C3orf33: variants seen among roughly 807,000 people sequenced by gnomAD.
C3orf33 encodes the protein AP-1 activity suppressor.
C3orf33 carries 23 observed loss-of-function variants against 28.7 expected under a neutral mutation model. The observed-to-expected ratio is 0.80, with a 90% CI of 0.58 to 1.13. The LOEUF is 1.13. Among genes scored for constraint, C3orf33 ranks in the 50% most tolerant of loss-of-function variants. C3orf33 has a pLI of 0.00. For missense variants in C3orf33, 327 were observed against 353.4 expected (o/e 0.93, Z 0.60); for synonymous variants, 119 against 120.5 (o/e 0.99, Z 0.08).
intron 2 of C3orf33, among the ~76,000 whole-genome samples, chr3:155,800,643 G>GAAAAAAAAAAAAA (rs1751620237): frequency 3.8e-5 from 2 of 53,168 alleles, no homozygotes; most frequent in Non-Finnish European, 4.2e-5. Flanking sequence ...AAAAAAAAAG[G>GAAAAAAAAAAAAA]CAACATACAG....
At chr3:155,766,508 C>T (rs951048973) in intron 4 of C3orf33, among the ~76,000 whole-genome samples, 27 of 152,184 alleles carry the variant, frequency 1.8e-4, no homozygotes, top group African/African-American at 6.5e-4. Flanking sequence ...CTAAGCAAAC[C>T]GTCAGAAAAC....
At position 155,798,588 on chromosome 3, in the gene C3orf33, CCT is replaced by C. The variant is rs538100175; in HGVS notation, c.174+3942_174+3943del. Among the ~76,000 whole-genome samples the C allele has an allele frequency of 4.3e-3, 609 of 142,634 alleles. 5 individuals carry two copies. Among genetic ancestry groups the C allele is most frequent in the African/African-American group, 0.014 (565 of 39,242 alleles). 93.6% of individuals were successfully genotyped at this position (142,634 alleles called of 152,430 possible). Reference sequence around the variant, plus strand: ...CCATACGCAAAAGAATGAAGCTAGACCTCTCTCTCTCATCATATACAAAAATA... The same window carrying C: ...CCATACGCAAAAGAATGAAGCTAGACCTCTCTCTCATCATATACAAAAATA... On this transcript the variant is annotated intron_variant, in intron 2 of 4. Coordinates refer to ENST00000340171, the MANE Select transcript of C3orf33 (RefSeq NM_001308229.2).
At chr3:155,775,907 A>G in intron 2 of C3orf33, 59 bp from the exon 3 acceptor site, 1 of 1,275,172 alleles carries the variant, frequency 7.8e-7, no homozygotes, top group Non-Finnish European at 1.1e-6. Context: ...CTCAAAATTT[A>G]AAATGTCAAA....
At chr3:155,777,595 C>G (rs534965346) in intron 2 of C3orf33, among the ~76,000 whole-genome samples, 65 of 152,042 alleles carry the variant, frequency 4.3e-4, no homozygotes, top group African/African-American at 1.4e-3. Flanking sequence ...CACCACTACA[C>G]CTGGTTAATT....
chr3:155,789,844 C>T (rs1034082677), intron 2 of C3orf33, among the ~76,000 whole-genome samples: 1 of 152,050 alleles, frequency 6.6e-6, no homozygotes, highest in Non-Finnish European at 1.5e-5. Context: ...AACAAGGGTG[C>T]CAACACCACT....
chr3:155,764,817 C>T (rs1256382840), intron 4 of C3orf33, among the ~76,000 whole-genome samples: 1 of 152,108 alleles, frequency 6.6e-6, no homozygotes, highest in East Asian at 1.9e-4. Flanking sequence ...GATCACACCA[C>T]TGCACTCAAG....
intron 1 of C3orf33, chr3:155,805,737 TTAAAAATAAA>T (rs1751790713): frequency 2.2e-6 from 1 of 447,476 alleles, no homozygotes; most frequent in Non-Finnish European, 4.5e-6. Context: ...AAAAATAAAA[TTAAAAATAAA>T]TAAAAATTAG....
chr3:155,805,992 G>A (rs549550832), intron 1 of C3orf33, 147 bp downstream of exon 1: 1 of 536,810 alleles, frequency 1.9e-6, no homozygotes, highest in Non-Finnish European at 3.1e-6. Context: ...CGACACTCGC[G>A]ATGTCGCCCT....
chr3:155,767,696 T>A (rs1750456534), intron 3 of C3orf33, 27 bp from the exon 4 acceptor site: 1 of 1,450,688 alleles, frequency 6.9e-7, no homozygotes. Flanking sequence ...GAAAAGAGTT[T>A]AGCTTTAACA....
intron 3 of C3orf33, among the ~76,000 whole-genome samples, chr3:155,772,699 A>T (rs1261707435): frequency 1.3e-5 from 2 of 151,842 alleles, no homozygotes; most frequent in Admixed American, 1.3e-4. Flanking sequence ...GACAGTAGCA[A>T]TAGCACAGGC....
At chr3:155,792,267 G>C (rs983093490) in intron 2 of C3orf33, among the ~76,000 whole-genome samples, 4 of 152,150 alleles carry the variant, frequency 2.6e-5, no homozygotes, top group African/African-American at 9.7e-5. Flanking sequence ...ACTGGGCTTG[G>C]GATGCCCCCT....
At chr3:155,770,258 C>T (rs1445478656) in intron 3 of C3orf33, among the ~76,000 whole-genome samples, 2 of 152,298 alleles carry the variant, frequency 1.3e-5, no homozygotes, top group Middle Eastern at 6.8e-3. Context: ...CTGAACAGCA[C>T]GTGCAAATGA....
Position 155,789,382 on chromosome 3 carries a change from T to C in C3orf33, c.174+13150A>G, listed in dbSNP as rs1751243816. ...AAAAGCAATTCCATTTATAATAACA[T>C]CACAAAGAATAAAATAATTAGGAAT... On this transcript the variant is annotated intron_variant, in intron 2 of 4. Coordinates refer to ENST00000340171, the MANE Select transcript of C3orf33 (RefSeq NM_001308229.2). 3.4e-5 allele frequency among the ~76,000 whole-genome samples: 5 copies of C among 145,710 alleles called. No individual in the cohort carries two copies. The South Asian group carries it at 1.1e-3, about 31-fold the overall frequency.
intron 1 of C3orf33, among the ~76,000 whole-genome samples, chr3:155,804,675 C>T (rs1751761131): frequency 6.6e-6 from 1 of 152,226 alleles, no homozygotes; most frequent in East Asian, 1.9e-4. Context: ...CTTTGCTGAC[C>T]TCCTCTTTAC....
At position 155,767,513 on chromosome 3, in the gene C3orf33, C is replaced by T. The variant is rs358733; in HGVS notation, c.479G>A (p.Ser160Asn). ...TTATTTCTTCACATTGCTTACCTTA[C>T]TCACCAGAAGATAGCAAAAGAGTGC... ...NSALFCYLLVSKGGYFSVNLN... is the reference protein window; with the variant it reads ...NSALFCYLLVNKGGYFSVNLN... Residue 160 changes from serine (S) to asparagine (N), a missense_variant, in exon 4 of 5, where the codon AGT becomes AAT. Coordinates refer to ENST00000340171, the MANE Select transcript of C3orf33 (RefSeq NM_001308229.2). 1,213,728 of 1,538,092 alleles carry T rather than the reference C, an allele frequency of 0.79. 480,526 individuals are homozygous for T. Among genetic ancestry groups the T allele is most frequent in the East Asian group, 0.92 (39,841 of 43,108 alleles).
intron 2 of C3orf33, among the ~76,000 whole-genome samples, chr3:155,783,395 T>C (rs1750998602): frequency 6.6e-6 from 1 of 151,718 alleles, no homozygotes. Context: ...CCTCAGGTGA[T>C]CCACCCACCT....
intron 2 of C3orf33, among the ~76,000 whole-genome samples, chr3:155,792,511 A>G (rs561360113): frequency 1.3e-5 from 2 of 152,286 alleles, no homozygotes; most frequent in East Asian, 1.9e-4. Flanking sequence ...CCAATCCTGC[A>G]GAGACAGAGA....
chr3:155,794,306 G>A (rs1364084905), intron 2 of C3orf33, among the ~76,000 whole-genome samples: 8 of 152,048 alleles, frequency 5.3e-5, no homozygotes, highest in African/African-American at 1.9e-4. Flanking sequence ...TGCAATCAAT[G>A]TTGTCATCGG....
chr3:155,783,622 A>G (rs1751010921), intron 2 of C3orf33, among the ~76,000 whole-genome samples: 1 of 152,024 alleles, frequency 6.6e-6, no homozygotes. Flanking sequence ...ACACGCTGCC[A>G]CGCCTGGCTA....
Sources: allele counts gnomAD v4.1 joint callset (sites outside exome capture counted in the v4.1 genomes callset), GRCh38; gene constraint gnomAD v4.1.1; transcripts MANE v1.5; gene names NCBI Gene and HGNC (gene_info 2026-07-23, HGNC 2026-07-21).